The following CRACD variants were observed in gnomAD, a reference collection of about 807,000 sequenced individuals.
CRACD encodes the protein capping protein-inhibiting regulator of actin dynamics.
CRACD carries 56 observed loss-of-function variants against 106.8 expected under a neutral mutation model. The ratio of observed to expected loss-of-function variants is 0.52; its 90% CI spans 0.42 to 0.66. CRACD has a LOEUF of 0.66. CRACD is among the 30% of genes least tolerant of loss of function. The pLI is 0.00. For missense variants in CRACD, 1,730 were observed against 1,623.2 expected (o/e 1.07, Z -1.13); for synonymous variants, 754 against 670.8 (o/e 1.12, Z -1.92).
intron 3 of CRACD, among the ~76,000 whole-genome samples, chr4:56,291,483 T>G (rs1240466032): frequency 6.6e-6 from 1 of 152,164 alleles, no homozygotes; most frequent in Admixed American, 6.5e-5. Context: ...CAGTTTCAAT[T>G]CCAACCCTGC....
chr4:56,191,375 C>G (rs1211099492), intron 2 of CRACD, among the ~76,000 whole-genome samples: 3 of 151,912 alleles, frequency 2.0e-5, no homozygotes, highest in Admixed American at 1.3e-4. Context: ...CAGTCTTCCT[C>G]TCTCCCTCCC....
At position 56,327,849 on chromosome 4, in the gene CRACD, C is replaced by G; in HGVS notation, c.*45C>G. Reference sequence around the variant, plus strand: ...CCTACTGCCAGTTATTGGCTCCTCTCTTGCCCTTTTTATTTATTTATTTTT... The same window carrying G: ...CCTACTGCCAGTTATTGGCTCCTCTGTTGCCCTTTTTATTTATTTATTTTT... On this transcript the variant is annotated 3_prime_UTR_variant, in exon 11 of 11. Transcript: ENST00000682029. 6.6e-7 allele frequency: 1 copy of G among 1,520,110 alleles called. No homozygotes were observed. Among genetic ancestry groups the G allele is most frequent in the Middle Eastern group, 1.7e-4 (1 of 5,732 alleles). 94.2% of individuals were successfully genotyped at this position (1,520,110 alleles called of 1,614,324 possible).
At chr4:56,166,603 C>T (rs1736162217) in intron 1 of CRACD, among the ~76,000 whole-genome samples, 1 of 140,322 alleles carries the variant, frequency 7.1e-6, no homozygotes, top group Non-Finnish European at 1.5e-5. Flanking sequence ...TCGCTTAAAC[C>T]TAGGAAGCGG....
Position 56,088,272 on chromosome 4 carries a change from A to G in CRACD, c.-336+38973A>G, listed in dbSNP as rs555717362. Among the ~76,000 whole-genome samples the G allele has an allele frequency of 3.3e-5, 5 of 151,506 alleles. No individual in the cohort carries two copies. In the East Asian group the frequency reaches 9.8e-4, roughly 30 times the overall value. ...ACCCTAGTAAATAGCGTAATACCTGATAGGTAGTTTTTTCAGTCCTTACTG... is the reference window on the plus strand; with the variant it reads ...ACCCTAGTAAATAGCGTAATACCTGGTAGGTAGTTTTTTCAGTCCTTACTG... On this transcript the variant is annotated intron_variant, in intron 1 of 10. Coordinates refer to ENST00000682029, the MANE Select transcript of CRACD (RefSeq NM_001393381.1).
intron 1 of CRACD, among the ~76,000 whole-genome samples, chr4:56,059,657 G>T (rs1305520720): frequency 6.6e-6 from 1 of 151,782 alleles, no homozygotes; most frequent in Non-Finnish European, 1.5e-5. Context: ...ACAATGGTAG[G>T]TCTCGGCCCA....
chr4:56,214,681 C>CTCTCTCTCTCTCTATATATATA, intron 2 of CRACD, among the ~76,000 whole-genome samples: 9 of 80,994 alleles, frequency 1.1e-4, no homozygotes, highest in African/African-American at 3.8e-4. Context: ...CTCTCTCTCT[C>CTCTCTCTCTCTCTATATATATA]TATATATATA....
At chr4:56,296,920 GTTT>G (rs5858372) in intron 3 of CRACD, among the ~76,000 whole-genome samples, 1 of 131,592 alleles carries the variant, frequency 7.6e-6, no homozygotes. Flanking sequence ...TTTTTTGTTT[GTTT>G]TTTTTTTTTT....
intron 2 of CRACD, among the ~76,000 whole-genome samples, chr4:56,261,215 G>A (rs111238994): frequency 1.9e-4 from 29 of 152,204 alleles, no homozygotes; most frequent in African/African-American, 6.5e-4. Context: ...TTGATTCACG[G>A]CACCCTCTGA....
chr4:56,082,677 A>T (rs770779089), intron 1 of CRACD, among the ~76,000 whole-genome samples: 1 of 152,166 alleles, frequency 6.6e-6, no homozygotes, highest in African/African-American at 2.4e-5. Flanking sequence ...GTGAACTTTG[A>T]AGAAAGGATG....
rs373181510 is a variant in CRACD at position 56,315,607 on chromosome 4, G to T, written c.2105G>T (p.Arg702Leu). The T allele has an allele frequency of 9.3e-6, 15 of 1,614,188 alleles. 1 individual carries two copies. The South Asian group carries it at 1.6e-4, about 18-fold the overall frequency. The change falls in exon 8 of 11, where the codon CGG (arginine) becomes CTG (leucine). Residue 702 changes from arginine (R) to leucine (L), a missense_variant. Arg to Leu is a moderately radical substitution (Grantham distance 102). Transcript: ENST00000682029. The surrounding 1 kb of genome is among the most constrained non-coding windows in gnomAD (Gnocchi z 4.1). ...RPGDESTPRG[R>L]CDSRGNQRKT... ...GGTGATGAGTCCACTCCCAGGGGCC[G>T]GTGTGATTCCCGCGGGAACCAACGG...
At chr4:56,143,657 C>A (rs979204329) in intron 1 of CRACD, among the ~76,000 whole-genome samples, 4 of 152,094 alleles carry the variant, frequency 2.6e-5, no homozygotes, top group African/African-American at 9.7e-5. Context: ...TTCAAGTAAA[C>A]CCATATTGGC....
Position 56,275,668 on chromosome 4 carries a change from A to G in CRACD, c.-17+3176A>G, listed in dbSNP as rs1002049967. ...ATTCTTATTTTTAGTTCATGGTTCA[A>G]TTAACAGACTGTTACTTTACATTGT... On this transcript the variant is annotated intron_variant, in intron 3 of 10. Transcript: ENST00000682029. Among the ~76,000 whole-genome samples, 4 of 152,344 alleles carry G rather than the reference A, an allele frequency of 2.6e-5. No individual in the cohort carries two copies. The South Asian group carries it at 8.3e-4, about 32-fold the overall frequency.
intron 1 of CRACD, among the ~76,000 whole-genome samples, chr4:56,147,306 GT>G (rs2109885447): frequency 6.6e-6 from 1 of 152,304 alleles, no homozygotes; most frequent in East Asian, 1.9e-4. Context: ...AGCAAAAAGA[GT>G]TTTAAAATGC....
intron 2 of CRACD, among the ~76,000 whole-genome samples, chr4:56,187,681 A>C (rs988016869): frequency 5.9e-5 from 9 of 152,060 alleles, no homozygotes; most frequent in Non-Finnish European, 1.2e-4. Flanking sequence ...AAAATAAATA[A>C]ATTTTTTTTT....
In CRACD at chr4:56,313,077, A is replaced by G. The variant is rs1022239687; in HGVS notation, c.355-120A>G. On this transcript the variant is annotated intron_variant, in intron 6 of 10. Coordinates refer to ENST00000682029, the MANE Select transcript of CRACD (RefSeq NM_001393381.1). Reference sequence around the variant, plus strand: ...ATTTTCTGAGGAGTTCCCTCTGCTCACCTGCATTCCCTGGGCCAGGCTGGG... The same window carrying G: ...ATTTTCTGAGGAGTTCCCTCTGCTCGCCTGCATTCCCTGGGCCAGGCTGGG... 7.3e-6 allele frequency: 6 copies of G among 819,828 alleles called. No homozygotes were observed. In the African/African-American group the frequency reaches 1.0e-4, roughly 14 times the overall value. 50.8% of individuals were successfully genotyped at this position (819,828 alleles called of 1,614,324 possible).
At position 56,314,950 on chromosome 4, in the gene CRACD, GAGA is replaced by G. The variant is rs745447169; in HGVS notation, c.1454_1456del (p.Glu485del). The G allele has an allele frequency of 7.5e-6, 12 of 1,594,942 alleles. No homozygotes were observed. The East Asian group carries it at 1.4e-4, about 18-fold the overall frequency. On this transcript the variant is annotated inframe_deletion, in exon 8 of 11. Coordinates refer to ENST00000682029, the MANE Select transcript of CRACD (RefSeq NM_001393381.1). This position sits in a 1 kb window ranked among gnomAD's most constrained non-coding sequence, Gnocchi z 4.4. ...GATCGTCCTGGGCCCGAGGAAAAGA[GAGA>G]AGAAGGGGACACGGAGCCTCTCCTG...
chr4:56,244,479 C>T (rs1043630339), intron 2 of CRACD, among the ~76,000 whole-genome samples: 2 of 152,252 alleles, frequency 1.3e-5, no homozygotes, highest in South Asian at 4.1e-4. Flanking sequence ...GTCCAGGCTA[C>T]AGATCCAAAG....
At chr4:56,157,762 C>G (rs1337758345) in intron 1 of CRACD, among the ~76,000 whole-genome samples, 1 of 152,110 alleles carries the variant, frequency 6.6e-6, no homozygotes, top group Non-Finnish European at 1.5e-5. Flanking sequence ...TTGAGAACTT[C>G]CTTTTAAAAT....
chr4:56,117,830 TC>T (rs1419970025), intron 1 of CRACD, among the ~76,000 whole-genome samples: 2 of 151,858 alleles, frequency 1.3e-5, no homozygotes, highest in Non-Finnish European at 2.9e-5. Flanking sequence ...TGATCTCGGC[TC>T]ACTGCAACCT....
Sources: allele counts gnomAD v4.1 joint callset (sites outside exome capture counted in the v4.1 genomes callset), GRCh38; gene constraint gnomAD v4.1.1; non-coding constraint Gnocchi (gnomAD v3.1); transcripts MANE v1.5; gene names NCBI Gene and HGNC (gene_info 2026-07-23, HGNC 2026-07-21).